Variants in MYO7A observed in about 807,000 individuals in gnomAD.
MYO7A encodes the protein myosin VIIA, also known as unconventional myosin-VIIa.
In MYO7A, 210 loss-of-function variants were observed where a neutral mutation model predicts 263.8. That is an observed-to-expected ratio of 0.80 (90% CI 0.71 to 0.89). The LOEUF is 0.89. Among genes scored for constraint, MYO7A ranks in the 40% least tolerant of loss-of-function variants. The probability of loss-of-function intolerance (pLI) is 0.00; values close to 1 mark genes in which losing one functional copy is unlikely to be tolerated. For missense variants in MYO7A, 2,820 were observed against 2,968.3 expected (o/e 0.95, Z 1.16); for synonymous variants, 1,239 against 1,197.3 (o/e 1.03, Z -0.72).
intron 18 of MYO7A, 76 bp from the exon 19 acceptor site, chr11:77,177,473 G>A (rs1954743625): frequency 8.8e-7 from 1 of 1,138,770 alleles, no homozygotes; most frequent in Admixed American, 2.0e-5. Context: ...TGAAGGAAGA[G>A]CAGCCCCCAC....
intron 9 of MYO7A, 69 bp downstream of exon 9, chr11:77,158,499 G>T: frequency 6.5e-7 from 1 of 1,530,370 alleles, no homozygotes; most frequent in South Asian, 1.2e-5. Flanking sequence ...TGCTGCCCAC[G>T]TGGTATTGGC....
chr11:77,179,586 TG>T (rs59561714), intron 20 of MYO7A, 148 bp from the exon 21 acceptor site: 5 of 663,336 alleles, frequency 7.5e-6, no homozygotes, highest in Admixed American at 3.0e-5. Context: ...TTTCTAACGA[TG>T]GGGGGGCACT....
chr11:77,195,114 C>A (rs915634272), intron 32 of MYO7A, among the ~76,000 whole-genome samples: 1 of 152,086 alleles, frequency 6.6e-6, no homozygotes, highest in Admixed American at 6.5e-5. Context: ...GTACATAAGT[C>A]GAGGGCTCCA....
At chr11:77,136,008 T>C (rs554161944) in intron 2 of MYO7A, among the ~76,000 whole-genome samples, 51 of 152,358 alleles carry the variant, frequency 3.3e-4, no homozygotes, top group African/African-American at 1.2e-3. Flanking sequence ...TGCCCACTTT[T>C]GAAATGGGTT....
chr11:77,160,993 C>T lies in MYO7A; in HGVS notation c.1221C>T (p.Phe407=), dbSNP rs782131912. The T allele has an allele frequency of 2.4e-5, 39 of 1,608,796 alleles. No individual in the cohort carries two copies. Among genetic ancestry groups the T allele is most frequent in the Non-Finnish European group, 3.1e-5 (36 of 1,177,864 alleles). The change falls in exon 12 of 49, where the codon TTC becomes TTT. Residue 407 remains phenylalanine, a synonymous_variant. Transcript: ENST00000409709. The part of the protein sequence containing the change: ...AFVKGIYGRL[F]VWIVDKINAA... ...TTCAGGGGATCTACGGGCGGCTGTT[C>T]GTGTGGATTGTGGACAAGATCAACG...
intron 45 of MYO7A, among the ~76,000 whole-genome samples, chr11:77,211,594 G>T (rs1957879557): frequency 6.6e-6 from 1 of 152,168 alleles, no homozygotes; most frequent in Admixed American, 6.5e-5. Context: ...ATACCCTTTG[G>T]TCTGCCTGCC....
In MYO7A at chr11:77,138,931, T is replaced by A. The variant is rs1591184046; in HGVS notation, c.19-3778T>A. On this transcript the variant is annotated intron_variant, in intron 2 of 48. Coordinates refer to ENST00000409709, the MANE Select transcript of MYO7A (RefSeq NM_000260.4). The surrounding 1 kb of genome is among the most constrained non-coding windows in gnomAD (Gnocchi z 4.9). ...AGCGGCAAAATGTCCTGAAACAGAT[T>A]CCTTTTCACTCCACAAACAGGGACT... Among the ~76,000 whole-genome samples, 1 of 152,210 alleles carries A rather than the reference T, an allele frequency of 6.6e-6. No individual in the cohort carries two copies. The highest frequency in any genetic ancestry group is 1.5e-5 in the Non-Finnish European group (1 of 68,042).
intron 4 of MYO7A, among the ~76,000 whole-genome samples, chr11:77,154,299 A>G (rs2135795253): frequency 6.6e-6 from 1 of 152,314 alleles, no homozygotes; most frequent in East Asian, 1.9e-4. Context: ...GGTTTCCACC[A>G]GAATCTAGCC....
At chr11:77,211,088 G>T in intron 44 of MYO7A, 64 bp from the exon 45 acceptor site, 1 of 1,422,050 alleles carries the variant, frequency 7.0e-7, no homozygotes, top group Non-Finnish European at 9.5e-7. Flanking sequence ...GTCTTGGTGT[G>T]GTGGGAAAGG....
chr11:77,147,794 G>A lies in MYO7A; in HGVS notation c.133-4G>A, dbSNP rs781796009. ...GAGCACGCTGACGTTCTGGCTCCCC[G>A]CAGGAACACTGGATCTCTCCGCAGA... On this transcript the variant is annotated splice_region_variant and splice_polypyrimidine_tract_variant and intron_variant, in intron 3 of 48. Transcript: ENST00000409709. 6.8e-6 allele frequency: 11 copies of A among 1,608,316 alleles called. No individual in the cohort carries two copies. The highest frequency in any genetic ancestry group is 8.5e-6 in the Non-Finnish European group (10 of 1,178,206).
At chr11:77,157,892 C>T (rs1952644208) in intron 8 of MYO7A, among the ~76,000 whole-genome samples, 1 of 152,210 alleles carries the variant, frequency 6.6e-6, no homozygotes, top group Admixed American at 6.5e-5. Flanking sequence ...TCTGTCTACA[C>T]CAGGCAGTAC....
chr11:77,199,850 C>A, intron 35 of MYO7A, 32 bp downstream of exon 35: 1 of 1,550,470 alleles, frequency 6.4e-7, no homozygotes, highest in South Asian at 1.2e-5. Context: ...CTGCCTGGCA[C>A]TGGGGGTCAG....
intron 14 of MYO7A, among the ~76,000 whole-genome samples, chr11:77,164,991 G>C (rs1953397909): frequency 6.6e-6 from 1 of 152,224 alleles, no homozygotes; most frequent in Admixed American, 6.5e-5. Flanking sequence ...GAAGTGGGTG[G>C]TATTAGGTGT....
chr11:77,142,433 G>GC, intron 2 of MYO7A: 1 of 369,360 alleles, frequency 2.7e-6, no homozygotes, highest in Non-Finnish European at 5.3e-6. Flanking sequence ...GGAGAGCTGG[G>GC]CTTTGAGAGG....
chr11:77,158,216 C>A, intron 8 of MYO7A, 61 bp from the exon 9 acceptor site: 3 of 1,486,556 alleles, frequency 2.0e-6, no homozygotes, highest in Non-Finnish European at 2.7e-6. Context: ...CAGCCAGGCA[C>A]TGCCCCTCTG....
At chr11:77,207,471 C>T (rs558234093) in intron 42 of MYO7A, 69 bp downstream of exon 42, 44 of 1,151,180 alleles carry the variant, frequency 3.8e-5, no homozygotes, top group Middle Eastern at 3.8e-4. Context: ...GGACAGCAGA[C>T]GGAAGAGAGA....
In MYO7A at chr11:77,192,956, G is replaced by GTGT. The variant is rs1956249103; in HGVS notation, c.4152+681_4152+683dup. Among the ~76,000 whole-genome samples, 5 of 22,298 alleles carry GTGT rather than the reference G, an allele frequency of 2.2e-4. 1 individual carries two copies. Among genetic ancestry groups the GTGT allele is most frequent in the Admixed American group, 1.9e-3 (3 of 1,582 alleles). The allele number at this position is 22,298 out of a possible 152,430, so 14.6% of individuals were successfully genotyped here. A position where few individuals can be genotyped will look rare whatever the true frequency, so the allele number is the denominator to read the frequency against. On this transcript the variant is annotated intron_variant, in intron 31 of 48. Coordinates refer to ENST00000409709, the MANE Select transcript of MYO7A (RefSeq NM_000260.4). The stretch of plus-strand genomic sequence containing the variant: ...GTTTGTGATGGTGGAGGTAGTGATG[G>GTGT]TGTTGGTGATGGTGGAGGTAGTTGT...
In MYO7A at chr11:77,203,381, G is replaced by A. The variant is rs112722431; in HGVS notation, c.5326+164G>A. 0.012 allele frequency among the ~76,000 whole-genome samples: 1,836 copies of A among 152,288 alleles called. 34 individuals carry two copies. The highest frequency in any genetic ancestry group is 0.042 in the African/African-American group (1,744 of 41,560). On this transcript the variant is annotated intron_variant, in intron 38 of 48. Coordinates refer to ENST00000409709, the MANE Select transcript of MYO7A (RefSeq NM_000260.4). ...CTTTTGATATGCAAGGGGCTGCCTC[G>A]CCCACTGTTTTCTCTGACCCTGTCA...
chr11:77,168,198 A>G (rs1953739041), intron 15 of MYO7A, among the ~76,000 whole-genome samples: 1 of 152,092 alleles, frequency 6.6e-6, no homozygotes. Flanking sequence ...TCCTTGAGGC[A>G]TCTGGGAACA....
Sources: allele counts gnomAD v4.1 joint callset (sites outside exome capture counted in the v4.1 genomes callset), GRCh38; gene constraint gnomAD v4.1.1; non-coding constraint Gnocchi (gnomAD v3.1); transcripts MANE v1.5; gene names NCBI Gene and HGNC (gene_info 2026-07-23, HGNC 2026-07-21).